STX16: variants seen among roughly 807,000 people sequenced by gnomAD.
STX16 encodes the protein syntaxin-16.
In STX16, 28 loss-of-function variants were observed where a neutral mutation model predicts 42.7. The ratio of observed to expected loss-of-function variants is 0.66; its 90% CI spans 0.49 to 0.90. STX16 has a LOEUF of 0.90. Ranked by LOEUF, STX16 falls within the 40% of genes least tolerant of loss-of-function variation. The probability of loss-of-function intolerance (pLI) is 0.00; values close to 1 mark genes in which losing one functional copy is unlikely to be tolerated. For synonymous variants in STX16, 156 were observed against 155.2 expected (o/e 1.00, Z -0.04); for missense variants, 361 against 420.9 (o/e 0.86, Z 1.24).
Position 58,658,946 on chromosome 20 carries a change from C to T in STX16, c.133-677C>T, listed in dbSNP as rs1320763892. ...GCTTTCTAGCTAATAATAATACATA[C>T]CAAGAGATGGTAAGAGTTTTTCTTT... On this transcript the variant is annotated intron_variant, in intron 1 of 8. Transcript: ENST00000371141. Among the ~76,000 whole-genome samples, 5 of 152,274 alleles carry T rather than the reference C, an allele frequency of 3.3e-5. No homozygotes were observed. The East Asian group carries it at 7.7e-4, about 23-fold the overall frequency.
chr20:58,664,443 T>A (rs973584573), intron 2 of STX16, among the ~76,000 whole-genome samples: 1 of 152,254 alleles, frequency 6.6e-6, no homozygotes, highest in African/African-American at 2.4e-5. Flanking sequence ...AAAGTTTTCA[T>A]TCCCAAAGAA....
chr20:58,651,606 C>T lies in STX16; in HGVS notation c.-401C>T, dbSNP rs1410450315. The T allele has an allele frequency of 5.2e-6, 1 of 191,116 alleles. No individual in the cohort carries two copies. The highest frequency in any genetic ancestry group is 1.1e-5 in the Non-Finnish European group (1 of 89,628). 11.8% of individuals were successfully genotyped at this position (191,116 alleles called of 1,614,324 possible). A position where few individuals can be genotyped will look rare whatever the true frequency, so the allele number is the denominator to read the frequency against. On this transcript the variant is annotated 5_prime_UTR_variant, in exon 1 of 9. Transcript: ENST00000371141. ...ACGAGCCAAAGTTAGGGGTAGAGAG[C>T]AGAGACCTCCGGGGGGTCTCAGGGA...
At position 58,678,639 on chromosome 20, in the gene STX16, C is replaced by CAA. The variant is rs10695175; in HGVS notation, c.*2365_*2366dup. 0.013 allele frequency: 1,622 copies of CAA among 124,484 alleles called. 46 individuals are homozygous for CAA. Among genetic ancestry groups the CAA allele is most frequent in the African/African-American group, 0.04 (1,306 of 32,708 alleles). The allele number at this position is 124,484 out of a possible 1,614,324, so 7.7% of individuals were successfully genotyped here. A position where few individuals can be genotyped will look rare whatever the true frequency, so the allele number is the denominator to read the frequency against. On this transcript the variant is annotated 3_prime_UTR_variant, in exon 9 of 9. Transcript: ENST00000371141. ...TGGGTGACAGAGCGAGGCTCCGTCT[C>CAA]AAAAAAAAAAAAAAAAAATTGTTTT...
At position 58,678,835 on chromosome 20, in the gene STX16, G is replaced by A. The variant is rs1375642162; in HGVS notation, c.*2544G>A. The A allele has an allele frequency of 6.6e-6, 1 of 152,168 alleles. No homozygotes were observed. The highest frequency in any genetic ancestry group is 2.4e-5 in the African/African-American group (1 of 41,382). The allele number at this position is 152,168 out of a possible 1,614,324, so 9.4% of individuals were successfully genotyped here. On this transcript the variant is annotated 3_prime_UTR_variant, in exon 9 of 9. Transcript: ENST00000371141. ...AGAGAAAAGAATCATGGTACCTCAG[G>A]GTTTCTTTCCCTTTACTCGCTGGCA...
chr20:58,666,136 T>C (rs1049003228), intron 2 of STX16, among the ~76,000 whole-genome samples: 31 of 152,292 alleles, frequency 2.0e-4, no homozygotes, highest in Admixed American at 8.5e-4. Flanking sequence ...AATGAAAAAA[T>C]AAATTTAGTT....
rs1271170792 is a variant in STX16, at chr20:58,677,221, T to C, written c.*930T>C. On this transcript the variant is annotated 3_prime_UTR_variant, in exon 9 of 9. Coordinates refer to ENST00000371141, the MANE Select transcript of STX16 (RefSeq NM_001001433.3). ...AATGACCTGTTCAAACCAGACTCTATTTAATGAACTGTGAATTTACACAGA... is the reference window on the plus strand; with the variant it reads ...AATGACCTGTTCAAACCAGACTCTACTTAATGAACTGTGAATTTACACAGA... 2 of 152,678 alleles carry C rather than the reference T, an allele frequency of 1.3e-5. No individual in the cohort carries two copies. The highest frequency in any genetic ancestry group is 2.9e-5 in the Non-Finnish European group (2 of 68,044). 9.5% of individuals were successfully genotyped at this position (152,678 alleles called of 1,614,324 possible). A position where few individuals can be genotyped will look rare whatever the true frequency, so the allele number is the denominator to read the frequency against.
intron 2 of STX16, among the ~76,000 whole-genome samples, chr20:58,662,767 A>G (rs554647143): frequency 6.6e-6 from 1 of 152,310 alleles, no homozygotes; most frequent in East Asian, 1.9e-4. Context: ...AGCTCAAGTG[A>G]TCCGCCTGCC....
At chr20:58,672,045 T>C (rs1266347811) in intron 7 of STX16, among the ~76,000 whole-genome samples, 1 of 151,976 alleles carries the variant, frequency 6.6e-6, no homozygotes, top group African/African-American at 2.4e-5. Context: ...CTAGTAAAAA[T>C]ATTGTGGCCG....
Position 58,673,080 on chromosome 20 carries a change from T to C in STX16, c.793-551T>C, listed in dbSNP as rs370136526. 5.6e-4 allele frequency among the ~76,000 whole-genome samples: 85 copies of C among 152,360 alleles called. 2 individuals are homozygous for C. The South Asian group carries it at 0.017, about 30-fold the overall frequency. ...TTTAATTGTTTAAGAGATTAAACAA[T>C]TAAACATCTTCCCCTTGAGTCCAAA... On this transcript the variant is annotated intron_variant, in intron 7 of 8. Transcript: ENST00000371141.
At chr20:58,659,201 A>G (rs913536766) in intron 1 of STX16, among the ~76,000 whole-genome samples, 15 of 152,240 alleles carry the variant, frequency 9.9e-5, no homozygotes, top group Non-Finnish European at 2.2e-4. Flanking sequence ...TTAACATGAT[A>G]AAATTACATT....
intron 2 of STX16, among the ~76,000 whole-genome samples, chr20:58,665,546 AG>A (rs759366201): frequency 5.3e-5 from 8 of 152,168 alleles, no homozygotes; most frequent in Non-Finnish European, 8.8e-5. Context: ...CCATATTTAT[AG>A]GTTAGAATAA....
At position 58,667,746 on chromosome 20, in the gene STX16, G is replaced by A. The variant is rs145101926; in HGVS notation, c.252+149G>A. ...GCTTTAGGTTAAGTTGTCTATGTGTGTGTTAATGATTTTAGCTGTAGTTTT... is the reference window on the plus strand; with the variant it reads ...GCTTTAGGTTAAGTTGTCTATGTGTATGTTAATGATTTTAGCTGTAGTTTT... On this transcript the variant is annotated intron_variant, in intron 3 of 8. Coordinates refer to ENST00000371141, the MANE Select transcript of STX16 (RefSeq NM_001001433.3). 7 of 853,752 alleles carry A rather than the reference G, an allele frequency of 8.2e-6. No individual in the cohort carries two copies. The African/African-American group carries it at 1.0e-4, about 12-fold the overall frequency. 52.9% of individuals were successfully genotyped at this position (853,752 alleles called of 1,614,324 possible). A position where few individuals can be genotyped will look rare whatever the true frequency, so the allele number is the denominator to read the frequency against.
rs891616521 is a variant in STX16 at position 58,678,973 on chromosome 20, C to G, written c.*2682C>G. On this transcript the variant is annotated 3_prime_UTR_variant, in exon 9 of 9. Coordinates refer to ENST00000371141, the MANE Select transcript of STX16 (RefSeq NM_001001433.3). ...ATGCGCCCTCTGAGAGGAGGCCTAGCAGGGCAGGCTCCCTCTGGGCATCCC... is the reference window on the plus strand; with the variant it reads ...ATGCGCCCTCTGAGAGGAGGCCTAGGAGGGCAGGCTCCCTCTGGGCATCCC... 1 of 152,306 alleles carries G rather than the reference C, an allele frequency of 6.6e-6. No individual in the cohort carries two copies. Among genetic ancestry groups the G allele is most frequent in the East Asian group, 1.9e-4 (1 of 5,202 alleles). The allele number at this position is 152,306 out of a possible 1,614,324, so 9.4% of individuals were successfully genotyped here.
rs2084124093 is a variant in STX16, at chr20:58,676,323, G to A, written c.*32G>A. ...TTGGGTTTTCGTGTGTGCCGCGCGT[G>A]TGGATCTCCCGGGTGTGAGGGGCTT... On this transcript the variant is annotated 3_prime_UTR_variant, in exon 9 of 9. Coordinates refer to ENST00000371141, the MANE Select transcript of STX16 (RefSeq NM_001001433.3). 7 of 1,586,750 alleles carry A rather than the reference G, an allele frequency of 4.4e-6. No homozygotes were observed. The highest frequency in any genetic ancestry group is 6.1e-6 in the Non-Finnish European group (7 of 1,155,216).
At chr20:58,663,218 C>T (rs1031303473) in intron 2 of STX16, among the ~76,000 whole-genome samples, 1 of 152,194 alleles carries the variant, frequency 6.6e-6, no homozygotes, top group Non-Finnish European at 1.5e-5. Flanking sequence ...CTGACTTTTC[C>T]AATCTCCACA....
chr20:58,663,137 C>T (rs766500382), intron 2 of STX16, among the ~76,000 whole-genome samples: 2 of 152,178 alleles, frequency 1.3e-5, no homozygotes, highest in African/African-American at 2.4e-5. Flanking sequence ...CCAGAATTAT[C>T]GGTATTGTTC....
chr20:58,663,181 A>C (rs1012733387), intron 2 of STX16, among the ~76,000 whole-genome samples: 4 of 152,152 alleles, frequency 2.6e-5, no homozygotes, highest in Non-Finnish European at 4.4e-5. Context: ...AACTTAGTTG[A>C]TTTTTTTAGA....
chr20:58,661,638 G>A (rs2083702434), intron 2 of STX16, among the ~76,000 whole-genome samples: 1 of 152,252 alleles, frequency 6.6e-6, no homozygotes, highest in African/African-American at 2.4e-5. Flanking sequence ...TTTACCTCGT[G>A]CATTCATTCC....
Position 58,669,337 on chromosome 20 carries a change from C to A in STX16, c.440C>A (p.Ala147Asp), listed in dbSNP as rs1351056782. 1 of 1,611,974 alleles carries A rather than the reference C, an allele frequency of 6.2e-7. No homozygotes were observed. The highest frequency in any genetic ancestry group is 1.3e-5 in the African/African-American group (1 of 74,898). ...GCCGTGCAGGCCCTGCCGAGCCGGG[C>A]CCGGGCCTGCTCCGAGCAGGAGGGG... ...QRAVQALPSR[A>D]RACSEQEGRL... The change falls in exon 5 of 9, where the codon GCC becomes GAC. Residue 147 changes from alanine (A) to aspartate (D), a missense_variant. By Grantham distance (126) the Ala-to-Asp change is moderately radical. Coordinates refer to ENST00000371141, the MANE Select transcript of STX16 (RefSeq NM_001001433.3).
Sources: allele counts gnomAD v4.1 joint callset (sites outside exome capture counted in the v4.1 genomes callset), GRCh38; gene constraint gnomAD v4.1.1; transcripts MANE v1.5; gene names NCBI Gene and HGNC (gene_info 2026-07-23, HGNC 2026-07-21).